The following PPP2R3A variants were observed in gnomAD, a reference collection of about 807,000 sequenced individuals.
PPP2R3A encodes serine/threonine-protein phosphatase 2A regulatory subunit B'' subunit alpha.
In PPP2R3A, 80 loss-of-function variants were observed where a neutral mutation model predicts 106.9. The ratio of observed to expected loss-of-function variants is 0.75; its 90% CI spans 0.62 to 0.90. The LOEUF is 0.90. PPP2R3A is among the 40% of genes least tolerant of loss of function. PPP2R3A has a pLI of 0.00. For missense variants in PPP2R3A, 1,386 were observed against 1,350.4 expected (o/e 1.03, Z -0.41); for synonymous variants, 483 against 468.3 (o/e 1.03, Z -0.41).
chr3:136,127,454 G>C (rs1938224566), intron 13 of PPP2R3A, among the ~76,000 whole-genome samples: 1 of 152,036 alleles, frequency 6.6e-6, no homozygotes, highest in Non-Finnish European at 1.5e-5. Context: ...GAGAAGACAA[G>C]GTTAGAGAAA....
chr3:136,108,011 G>C (rs1354007774), intron 13 of PPP2R3A, among the ~76,000 whole-genome samples: 2 of 152,116 alleles, frequency 1.3e-5, no homozygotes, highest in African/African-American at 2.4e-5. Flanking sequence ...CCAGGAGTTC[G>C]AGACCAGCCT....
intron 2 of PPP2R3A, among the ~76,000 whole-genome samples, chr3:136,004,597 A>G (rs1933779584): frequency 6.6e-6 from 1 of 152,260 alleles, no homozygotes; most frequent in Non-Finnish European, 1.5e-5. Flanking sequence ...ATCAACATGT[A>G]TGAATTCAGA....
chr3:136,038,597 A>C (rs1935159933), intron 3 of PPP2R3A, among the ~76,000 whole-genome samples: 1 of 152,154 alleles, frequency 6.6e-6, no homozygotes, highest in African/African-American at 2.4e-5. Context: ...AGTTTGAAGC[A>C]CTTTGGTAAG....
intron 2 of PPP2R3A, among the ~76,000 whole-genome samples, chr3:136,010,848 T>A (rs1305311238): frequency 2.0e-5 from 3 of 152,140 alleles, no homozygotes; most frequent in Admixed American, 1.3e-4. Flanking sequence ...CATCAGTTTT[T>A]CTCCTCTGCT....
intron 11 of PPP2R3A, 146 bp downstream of exon 11, chr3:136,102,328 T>A: frequency 2.7e-6 from 2 of 731,992 alleles, no homozygotes; most frequent in Non-Finnish European, 4.1e-6. Flanking sequence ...TCTCCTTGAC[T>A]ATTAGTGTAG....
chr3:136,005,167 C>T (rs1016694164), intron 2 of PPP2R3A, among the ~76,000 whole-genome samples: 14 of 152,098 alleles, frequency 9.2e-5, no homozygotes, highest in Admixed American at 5.2e-4. Flanking sequence ...CCTTGTTTCA[C>T]GTACAAAATT....
At chr3:135,978,325 G>C (rs1257991925) in intron 1 of PPP2R3A, among the ~76,000 whole-genome samples, 1 of 151,806 alleles carries the variant, frequency 6.6e-6, no homozygotes, top group East Asian at 1.9e-4. Flanking sequence ...TGAATCTCAT[G>C]AAAGATAGCA....
intron 5 of PPP2R3A, among the ~76,000 whole-genome samples, chr3:136,064,367 T>C (rs577468029): frequency 4.0e-4 from 60 of 151,774 alleles, no homozygotes; most frequent in African/African-American, 1.4e-3. Flanking sequence ...TGTATACATA[T>C]GTAACTAACC....
At chr3:136,050,701 CTCTT>C (rs1303870607) in intron 5 of PPP2R3A, among the ~76,000 whole-genome samples, 1 of 152,190 alleles carries the variant, frequency 6.6e-6, no homozygotes, top group Admixed American at 6.5e-5. Context: ...CCACAGACTT[CTCTT>C]TCTTTTTCCT....
chr3:136,030,761 C>CATATATATATATATATATATATATATAT (rs374923726), intron 3 of PPP2R3A, among the ~76,000 whole-genome samples: 28 of 100,354 alleles, frequency 2.8e-4, no homozygotes, highest in Admixed American at 4.7e-4. Context: ...TATTCCATCA[C>CATATATATATATATATATATATATATAT]ATATATATAT....
rs560142058 is a variant in PPP2R3A, at chr3:136,111,018, A to G, written c.3329+4696A>G. On this transcript the variant is annotated intron_variant, in intron 13 of 13. Coordinates refer to ENST00000264977, the MANE Select transcript of PPP2R3A (RefSeq NM_002718.5). ...CTGTTCTTACTCAAATGTGAGGGACAAATAAAGACATTTTCAGGCTTGTAA... is the reference window on the plus strand; with the variant it reads ...CTGTTCTTACTCAAATGTGAGGGACGAATAAAGACATTTTCAGGCTTGTAA... Among the ~76,000 whole-genome samples, 3 of 152,344 alleles carry G rather than the reference A, an allele frequency of 2.0e-5. No individual in the cohort carries two copies. The South Asian group carries it at 6.2e-4, about 32-fold the overall frequency.
At chr3:135,978,073 A>G (rs1937468795) in intron 1 of PPP2R3A, among the ~76,000 whole-genome samples, 1 of 152,196 alleles carries the variant, frequency 6.6e-6, no homozygotes, top group African/African-American at 2.4e-5. Flanking sequence ...AAGCCAGGTG[A>G]AGGGTGTTTC....
At chr3:136,087,561 T>G (rs1559912699) in intron 8 of PPP2R3A, 3 of 197,318 alleles carry the variant, frequency 1.5e-5, no homozygotes, top group South Asian at 3.3e-4. Context: ...AGGATAAAAC[T>G]TGTCTTGTTT....
intron 3 of PPP2R3A, among the ~76,000 whole-genome samples, chr3:136,036,791 G>A (rs1487546224): frequency 6.6e-6 from 1 of 152,172 alleles, no homozygotes; most frequent in Non-Finnish European, 1.5e-5. Context: ...CGTCCACCAT[G>A]ATCCCCTCAG....
chr3:135,975,603 A>C (rs577571124), intron 1 of PPP2R3A, among the ~76,000 whole-genome samples: 1 of 152,340 alleles, frequency 6.6e-6, no homozygotes, highest in East Asian at 1.9e-4. Context: ...GCTATGAAGA[A>C]AATAAAGTGG....
chr3:135,969,061 G>T lies in PPP2R3A; in HGVS notation c.-441+3212G>T, dbSNP rs111261142. Among the ~76,000 whole-genome samples, 13 of 152,168 alleles carry T rather than the reference G, an allele frequency of 8.5e-5. 1 individual carries two copies. Among genetic ancestry groups the T allele is most frequent in the African/African-American group, 2.9e-4 (12 of 41,500 alleles). ...ATTTATAGGGTAAATTCCTAGAAAT[G>T]GAATTGTTGGGTGAAATAAACACAC... On this transcript the variant is annotated intron_variant, in intron 1 of 13. Transcript: ENST00000264977.
chr3:136,110,286 C>T (rs765073815), intron 13 of PPP2R3A, among the ~76,000 whole-genome samples: 4 of 151,980 alleles, frequency 2.6e-5, no homozygotes, highest in African/African-American at 4.8e-5. Flanking sequence ...TGGAAGGAGA[C>T]ACAATCAGAA....
At chr3:136,087,273 C>CTCTCTCTCTCTCTA in intron 8 of PPP2R3A, among the ~76,000 whole-genome samples, 1 of 148,790 alleles carries the variant, frequency 6.7e-6, no homozygotes, top group Non-Finnish European at 1.5e-5. Context: ...CTCTCTCTCT[C>CTCTCTCTCTCTCTA]TCTCTCTCTC....
intron 13 of PPP2R3A, among the ~76,000 whole-genome samples, chr3:136,129,559 C>T (rs1021506824): frequency 6.6e-6 from 1 of 152,094 alleles, no homozygotes; most frequent in African/African-American, 2.4e-5. Flanking sequence ...CAGGACCAGA[C>T]AGATTCACAG....
Sources: gnomAD v4.1 joint callset for allele counts (sites outside exome capture counted in the v4.1 genomes callset) on GRCh38, gnomAD v4.1.1 for gene constraint, MANE v1.5 for transcripts, NCBI Gene and HGNC (gene_info 2026-07-23, HGNC 2026-07-21) for gene names.